SDK2: variants seen among roughly 807,000 people sequenced by gnomAD.
SDK2 encodes protein sidekick-2.
In SDK2, 105 loss-of-function variants were observed where a neutral mutation model predicts 253.9. The ratio of observed to expected loss-of-function variants is 0.41; its 90% confidence interval spans 0.35 to 0.49. The LOEUF (loss-of-function observed/expected upper bound fraction) is 0.49, where lower values mean the gene tolerates loss of function less well. Ranked by LOEUF, SDK2 falls within the 20% of genes least tolerant of loss-of-function variation. The pLI, the probability that SDK2 is intolerant of heterozygous loss-of-function variation, is 0.06. For missense variants in SDK2, 2,608 were observed against 3,003.0 expected (o/e 0.87, Z 3.07); for synonymous variants, 1,249 against 1,234.9 (o/e 1.01, Z -0.24).
chr17:73,634,168 C>T (rs550091376), intron 1 of SDK2, among the ~76,000 whole-genome samples: 211 of 152,280 alleles, frequency 1.4e-3, no homozygotes, highest in Non-Finnish European at 2.4e-3. Context: ...CCCAGGGTGC[C>T]CCCTGTGTCC....
At chr17:73,344,125 AG>A (rs1208321090) in intron 44 of SDK2, among the ~76,000 whole-genome samples, 12 of 152,160 alleles carry the variant, frequency 7.9e-5, no homozygotes, top group African/African-American at 2.9e-4. Context: ...GTGTCTCTGA[AG>A]AACCTCAGAA....
At chr17:73,452,940 C>A (rs886704851) in intron 4 of SDK2, among the ~76,000 whole-genome samples, 6 of 152,162 alleles carry the variant, frequency 3.9e-5, no homozygotes, top group Non-Finnish European at 5.9e-5. Context: ...TGCTAAGAAC[C>A]ATTCTCTGCT....
At chr17:73,362,425 G>A (rs1218066060) in intron 38 of SDK2, among the ~76,000 whole-genome samples, 1 of 124,544 alleles carries the variant, frequency 8.0e-6, no homozygotes, top group Non-Finnish European at 1.6e-5. Context: ...TTTTTTTTAA[G>A]ACAAGGTCTT....
chr17:73,442,741 G>T (rs1326734174), intron 5 of SDK2, among the ~76,000 whole-genome samples: 2 of 151,856 alleles, frequency 1.3e-5, no homozygotes, highest in African/African-American at 4.8e-5. Context: ...CAAATGAATG[G>T]ATCTAGAGTT....
In SDK2 at chr17:73,442,348, C is replaced by CTT. The variant is rs11430500; in HGVS notation, c.614-1427_614-1426dup. ...GGCACCAAGAGCTGACTCATGCAGTCTTTTTTTTTTTTGGACGGAGTCTGG... is the reference window on the plus strand; with the variant it reads ...GGCACCAAGAGCTGACTCATGCAGTCTTTTTTTTTTTTTTGGACGGAGTCTGG... On this transcript the variant is annotated intron_variant, in intron 5 of 44. Coordinates refer to ENST00000392650, the MANE Select transcript of SDK2 (RefSeq NM_001144952.2). 6.0e-4 allele frequency among the ~76,000 whole-genome samples: 89 copies of CTT among 147,788 alleles called. 1 individual carries two copies. Among genetic ancestry groups the CTT allele is most frequent in the Middle Eastern group, 7.2e-3 (2 of 278 alleles).
chr17:73,390,306 C>CGCATCATTA lies in SDK2; in HGVS notation c.4172_4173insTAATGATGC (p.Val1391_Val1392insAsnAspAla). On this transcript the variant is annotated inframe_insertion, in exon 29 of 45. Transcript: ENST00000392650. ...AGTCACCTCTCTTCTCGGTGGTCAC[C>CGCATCATTA]ACCAAGGCCTCGGCAGCTTCTCCCC... The CGCATCATTA allele has an allele frequency of 6.3e-7, 1 of 1,589,366 alleles. No individual in the cohort carries two copies. Among genetic ancestry groups the CGCATCATTA allele is most frequent in the Non-Finnish European group, 8.5e-7 (1 of 1,171,354 alleles).
In SDK2 at chr17:73,335,773, T is replaced by A. The variant is rs2062372852; in HGVS notation, c.*2814A>T. The A allele has an allele frequency of 6.6e-6, 1 of 152,324 alleles. No individual in the cohort carries two copies. The highest frequency in any genetic ancestry group is 6.5e-5 in the Admixed American group (1 of 15,288). The allele number at this position is 152,324 out of a possible 1,614,324, so 9.4% of individuals were successfully genotyped here. On this transcript the variant is annotated 3_prime_UTR_variant, in exon 45 of 45. Transcript: ENST00000392650. ...CCAAGTGCAAGCAACCCAGGCCACC[T>A]GTGCCTCACAGGGGAGAGATGGCTT...
chr17:73,338,817 CCCT>C lies in SDK2; in HGVS notation c.6286_6288del (p.Arg2096del), dbSNP rs1206061123. 6.2e-7 allele frequency: 1 copy of C among 1,613,936 alleles called. No individual in the cohort carries two copies. Among genetic ancestry groups the C allele is most frequent in the Admixed American group, 1.7e-5 (1 of 60,010 alleles). The stretch of plus-strand genomic sequence containing the variant: ...CTCTCCGTGTAGCTGTAGGCCTGTG[CCCT>C]CGAGATGCCCTTCTGCTGTCGCCGC... On this transcript the variant is annotated inframe_deletion, in exon 45 of 45. Coordinates refer to ENST00000392650, the MANE Select transcript of SDK2 (RefSeq NM_001144952.2). The surrounding 1 kb of genome is among the most constrained non-coding windows in gnomAD (Gnocchi z 5.0).
Position 73,564,121 on chromosome 17 carries a change from G to A in SDK2, c.65-56524C>T, listed in dbSNP as rs550933109. ...TTCTTTTGTATTCACCTTGCTTTAC[G>A]TTTTTCTGTAAATTCACACTTCAAT... On this transcript the variant is annotated intron_variant, in intron 1 of 44. Coordinates refer to ENST00000392650, the MANE Select transcript of SDK2 (RefSeq NM_001144952.2). Among the ~76,000 whole-genome samples the A allele has an allele frequency of 7.2e-5, 11 of 152,184 alleles. No homozygotes were observed. In the South Asian group the frequency reaches 8.3e-4, roughly 11 times the overall value.
chr17:73,382,491 A>G (rs944301818), intron 33 of SDK2, among the ~76,000 whole-genome samples: 4 of 152,066 alleles, frequency 2.6e-5, no homozygotes, highest in African/African-American at 9.7e-5. Context: ...GTAGATGAAC[A>G]TCAGTTTTGA....
chr17:73,400,308 C>T (rs768164158), intron 21 of SDK2, among the ~76,000 whole-genome samples: 6 of 152,224 alleles, frequency 3.9e-5, no homozygotes, highest in Non-Finnish European at 8.8e-5. Flanking sequence ...GTAGCCCCAC[C>T]GTGCTCTGCC....
chr17:73,635,046 C>T (rs1056238258), intron 1 of SDK2, among the ~76,000 whole-genome samples: 4 of 151,478 alleles, frequency 2.6e-5, no homozygotes, highest in Admixed American at 1.3e-4. Context: ...AGTGCAGTGG[C>T]GCCATCTCAG....
intron 1 of SDK2, among the ~76,000 whole-genome samples, chr17:73,543,691 A>AG (rs1425811972): frequency 1.3e-5 from 2 of 152,098 alleles, no homozygotes; most frequent in East Asian, 3.8e-4. Context: ...CTTGGGGGAT[A>AG]GGGGCAGGCC....
intron 6 of SDK2, among the ~76,000 whole-genome samples, chr17:73,438,631 AAGACAGACAGAC>A (rs34644814): frequency 3.1e-4 from 45 of 146,650 alleles, no homozygotes; most frequent in African/African-American, 1.2e-3. Flanking sequence ...AAGGGCAGAC[AAGACAGACAGAC>A]AGACAGACAG....
chr17:73,441,859 C>T (rs1443623886), intron 5 of SDK2, among the ~76,000 whole-genome samples: 2 of 152,130 alleles, frequency 1.3e-5, no homozygotes, highest in Non-Finnish European at 2.9e-5. Context: ...ATATGTTGAG[C>T]CTTAACCTCC....
Position 73,401,973 on chromosome 17 carries a change from G to C in SDK2, c.2653C>G (p.Pro885Ala). Residue 885 changes from proline to alanine, a missense_variant, in exon 19 of 45, where the codon CCG becomes GCG. By Grantham distance (27) the Pro-to-Ala change is conservative. Transcript: ENST00000392650. ...TTPGDGPRST[P>A]QLVRTHEDVP... ...TCCTCATGGGTGCGCACCAGCTGCGGGGTGCTGCGTGGCCCGTCCCCGGGG... is the reference window on the plus strand; with the variant it reads ...TCCTCATGGGTGCGCACCAGCTGCGCGGTGCTGCGTGGCCCGTCCCCGGGG... 3.7e-6 allele frequency: 6 copies of C among 1,612,468 alleles called. No individual in the cohort carries two copies. The highest frequency in any genetic ancestry group is 4.2e-6 in the Non-Finnish European group (5 of 1,179,304).
rs1467161291 is a variant in SDK2, at chr17:73,643,993, C to A, written c.64+32G>T. ...CTCCCCCGCCCACTCTCCCAGCCCC[C>A]TCCCTGTCCCCACGTGGGGGTCCCT... On this transcript the variant is annotated intron_variant, in intron 1 of 44. Coordinates refer to ENST00000392650, the MANE Select transcript of SDK2 (RefSeq NM_001144952.2). The surrounding 1 kb of genome is among the most constrained non-coding windows in gnomAD (Gnocchi z 6.9). The A allele has an allele frequency of 7.2e-5, 109 of 1,519,846 alleles. No homozygotes were observed. The highest frequency in any genetic ancestry group is 7.9e-5 in the Non-Finnish European group (89 of 1,120,842). 94.1% of individuals were successfully genotyped at this position (1,519,846 alleles called of 1,614,324 possible).
chr17:73,398,606 C>T (rs2062992516), intron 22 of SDK2, among the ~76,000 whole-genome samples, 177 bp from the exon 23 acceptor site: 1 of 152,248 alleles, frequency 6.6e-6, no homozygotes, highest in South Asian at 2.1e-4. Flanking sequence ...AAGTGTGACT[C>T]AACCCTCCTG....
At chr17:73,621,108 T>C (rs372433563) in intron 1 of SDK2, among the ~76,000 whole-genome samples, 4 of 152,344 alleles carry the variant, frequency 2.6e-5, no homozygotes, top group Admixed American at 2.0e-4. Context: ...TGAGGATGGA[T>C]CCTGGAAAGT....
Sources: allele counts gnomAD v4.1 joint callset (sites outside exome capture counted in the v4.1 genomes callset), GRCh38; gene constraint gnomAD v4.1.1; non-coding constraint Gnocchi (gnomAD v3.1); transcripts MANE v1.5; gene names NCBI Gene and HGNC (gene_info 2026-07-23, HGNC 2026-07-21).